KCNMB2: variants seen among roughly 807,000 people sequenced by gnomAD.
KCNMB2 encodes the protein calcium-activated potassium channel subunit beta-2.
Under a neutral mutation model 24.5 loss-of-function variants are expected in KCNMB2, and 9 were observed. That is an observed-to-expected ratio of 0.37 (90% confidence interval 0.22 to 0.64). The LOEUF is 0.64. Among genes scored for constraint, KCNMB2 ranks in the 30% least tolerant of loss-of-function variants. The pLI is 0.63. For missense variants in KCNMB2, 226 were observed against 284.3 expected (o/e 0.79, Z 1.47); for synonymous variants, 109 against 104.4 (o/e 1.04, Z -0.27).
At chr3:178,601,625 A>G (rs2108508149) in intron 1 of KCNMB2, among the ~76,000 whole-genome samples, 1 of 152,296 alleles carries the variant, frequency 6.6e-6, no homozygotes, top group Middle Eastern at 3.4e-3. Context: ...CCTCCTTTTG[A>G]GTCACAGGGT....
At chr3:178,803,389 T>C (rs115036559) in intron 1 of KCNMB2, among the ~76,000 whole-genome samples, 1,792 of 151,758 alleles carry the variant, frequency 0.012, 11 homozygotes, top group Middle Eastern at 0.02. Flanking sequence ...AGAGAAGAAG[T>C]AGAGAGTAAG....
intron 1 of KCNMB2, among the ~76,000 whole-genome samples, chr3:178,572,096 G>A (rs1716824598): frequency 6.6e-6 from 1 of 152,192 alleles, no homozygotes; most frequent in African/African-American, 2.4e-5. Flanking sequence ...TCAAATGAAT[G>A]TTACACAATC....
At chr3:178,661,626 C>T (rs564652070) in intron 1 of KCNMB2, among the ~76,000 whole-genome samples, 4 of 152,234 alleles carry the variant, frequency 2.6e-5, no homozygotes, top group Admixed American at 2.6e-4. Flanking sequence ...GACCCATGGG[C>T]TACAGTTTAC....
intron 1 of KCNMB2, among the ~76,000 whole-genome samples, chr3:178,758,000 T>A (rs373232516): frequency 1.5e-3 from 2 of 1,362 alleles, no homozygotes; most frequent in African/African-American, 2.3e-3. Flanking sequence ...TATATATATC[T>A]AGATATATAT....
chr3:178,696,661 T>G (rs927906019), intron 1 of KCNMB2, among the ~76,000 whole-genome samples: 1 of 152,220 alleles, frequency 6.6e-6, no homozygotes, highest in African/African-American at 2.4e-5. Flanking sequence ...TCTTTGCACT[T>G]GATTCTCTAG....
At chr3:178,742,600 G>A (rs1723530461) in intron 1 of KCNMB2, among the ~76,000 whole-genome samples, 2 of 152,154 alleles carry the variant, frequency 1.3e-5, no homozygotes, top group Non-Finnish European at 2.9e-5. Context: ...TCTGTCACTG[G>A]TATAATTAAC....
intron 1 of KCNMB2, among the ~76,000 whole-genome samples, chr3:178,750,274 G>T (rs1370646848): frequency 6.6e-6 from 1 of 151,508 alleles, no homozygotes; most frequent in Non-Finnish European, 1.5e-5. Flanking sequence ...GGAAGGAAAA[G>T]AAAAGGAAGT....
At chr3:178,696,461 A>T (rs536605117) in intron 1 of KCNMB2, among the ~76,000 whole-genome samples, 1 of 152,062 alleles carries the variant, frequency 6.6e-6, no homozygotes, top group East Asian at 1.9e-4. Flanking sequence ...GTCATTTCTG[A>T]TTGTGTTTAT....
intron 1 of KCNMB2, among the ~76,000 whole-genome samples, chr3:178,624,932 G>C (rs1002058854): frequency 1.1e-4 from 16 of 152,214 alleles, no homozygotes; most frequent in African/African-American, 3.6e-4. Context: ...CCCAGAGTGA[G>C]GGAAACCATG....
intron 1 of KCNMB2, among the ~76,000 whole-genome samples, chr3:178,796,401 T>C (rs1212970231): frequency 6.6e-6 from 1 of 152,150 alleles, no homozygotes; most frequent in Non-Finnish European, 1.5e-5. Flanking sequence ...ATCACATAAA[T>C]TGACCTAATA....
chr3:178,587,558 G>A (rs1717488082), intron 1 of KCNMB2, among the ~76,000 whole-genome samples: 1 of 151,272 alleles, frequency 6.6e-6, no homozygotes, highest in African/African-American at 2.4e-5. Flanking sequence ...AGGGTAGTTG[G>A]CATTACAGGC....
chr3:178,568,777 A>C (rs1188856159), intron 1 of KCNMB2, among the ~76,000 whole-genome samples: 1 of 62,594 alleles, frequency 1.6e-5, no homozygotes, highest in African/African-American at 6.6e-5. Context: ...GATAGATGAT[A>C]GATAGATAGA....
chr3:178,783,571 A>G lies in KCNMB2; in HGVS notation c.-67-23772A>G, dbSNP rs1362394985. ...TTGAAGCAATTGTGAATGGGAGTTC[A>G]CTCATGATTTGGCTCTCTGTTTGTC... On this transcript the variant is annotated intron_variant, in intron 1 of 4. Coordinates refer to ENST00000452583, the MANE Select transcript of KCNMB2 (RefSeq NM_181361.3). Among the ~76,000 whole-genome samples, 3 of 146,446 alleles carry G rather than the reference A, an allele frequency of 2.0e-5. No homozygotes were observed. The East Asian group carries it at 5.9e-4, about 29-fold the overall frequency.
intron 1 of KCNMB2, among the ~76,000 whole-genome samples, chr3:178,601,553 C>T (rs1159398954): frequency 6.6e-6 from 1 of 152,160 alleles, no homozygotes; most frequent in Non-Finnish European, 1.5e-5. Context: ...AAGAACACTT[C>T]TACAAGAAGT....
chr3:178,741,283 C>T (rs1253913176), intron 1 of KCNMB2, among the ~76,000 whole-genome samples: 2 of 152,186 alleles, frequency 1.3e-5, no homozygotes, highest in African/African-American at 2.4e-5. Context: ...ATAACATCAA[C>T]TTACAGGGCT....
intron 1 of KCNMB2, among the ~76,000 whole-genome samples, chr3:178,543,398 C>T (rs9832697): frequency 0.18 from 26,646 of 152,178 alleles, 2,470 homozygotes; most frequent in South Asian, 0.25. Flanking sequence ...TCTGTGGCTG[C>T]GCTGACTGAA....
chr3:178,770,970 A>C (rs1712326260), intron 1 of KCNMB2, among the ~76,000 whole-genome samples: 1 of 152,208 alleles, frequency 6.6e-6, no homozygotes, highest in Admixed American at 6.5e-5. Flanking sequence ...GCAGCACAGG[A>C]TAAGTCCAAC....
chr3:178,564,941 A>T (rs1034098525), intron 1 of KCNMB2, among the ~76,000 whole-genome samples: 1 of 152,202 alleles, frequency 6.6e-6, no homozygotes, highest in Non-Finnish European at 1.5e-5. Flanking sequence ...CAAACTTATG[A>T]TACATCTATA....
rs944371531 is a variant in KCNMB2, at chr3:178,760,507, C to T, written c.-67-46836C>T. The stretch of plus-strand genomic sequence containing the variant: ...ATATATAATGTATCTCCAAGAGTTT[C>T]GTGTGTGTGTGTGTGTGTGTGTGTG... On this transcript the variant is annotated intron_variant, in intron 1 of 4. Coordinates refer to ENST00000452583, the MANE Select transcript of KCNMB2 (RefSeq NM_181361.3). Among the ~76,000 whole-genome samples the T allele has an allele frequency of 9.4e-5, 11 of 117,428 alleles. 1 individual carries two copies. The highest frequency in any genetic ancestry group is 1.9e-4 in the African/African-American group (6 of 31,486). The allele number at this position is 117,428 out of a possible 152,430, so 77.0% of individuals were successfully genotyped here.
Sources: gnomAD v4.1 joint callset for allele counts (sites outside exome capture counted in the v4.1 genomes callset) on GRCh38, gnomAD v4.1.1 for gene constraint, MANE v1.5 for transcripts, NCBI Gene and HGNC (gene_info 2026-07-23, HGNC 2026-07-21) for gene names.